The following XIRP2 variants were observed in gnomAD, a reference collection of about 807,000 sequenced individuals.
XIRP2 encodes xin actin-binding repeat-containing protein 2.
XIRP2 carries 236 observed loss-of-function variants against 277.0 expected under a neutral mutation model. The observed-to-expected ratio is 0.85, with a 90% confidence interval of 0.77 to 0.95. XIRP2 has a LOEUF of 0.95. XIRP2 is among the 40% of genes least tolerant of loss of function. The probability of loss-of-function intolerance (pLI) is 0.00; values close to 1 mark genes in which losing one functional copy is unlikely to be tolerated. For missense variants in XIRP2, 4,640 were observed against 4,157.5 expected (o/e 1.12, Z -3.19); for synonymous variants, 1,490 against 1,416.5 (o/e 1.05, Z -1.17).
chr2:167,240,607 T>C, intron 6 of XIRP2, 57 bp from the exon 7 acceptor site: 1 of 1,431,904 alleles, frequency 7.0e-7, no homozygotes, highest in Non-Finnish European at 9.8e-7. Context: ...TTATTTGTAG[T>C]ACTAAAATAA....
intron 5 of XIRP2, among the ~76,000 whole-genome samples, chr2:167,222,320 G>A (rs533926487): frequency 6.6e-6 from 1 of 152,286 alleles, no homozygotes; most frequent in South Asian, 2.1e-4. Context: ...ATGAAAATTA[G>A]GAAAAGGAGC....
intron 2 of XIRP2, among the ~76,000 whole-genome samples, chr2:167,126,632 A>G (rs1392668437): frequency 6.6e-6 from 1 of 152,150 alleles, no homozygotes; most frequent in Admixed American, 6.6e-5. Flanking sequence ...TCTGGCTCCA[A>G]ATTAGATCTT....
Position 167,259,499 on chromosome 2 carries a change from A to C in XIRP2, c.*1682A>C. 6.3e-5 allele frequency: 52 copies of C among 827,610 alleles called. No individual in the cohort carries two copies. The highest frequency in any genetic ancestry group is 8.1e-5 in the Non-Finnish European group (45 of 554,284). 51.3% of individuals were successfully genotyped at this position (827,610 alleles called of 1,614,324 possible). On this transcript the variant is annotated 3_prime_UTR_variant, in exon 11 of 11. Transcript: ENST00000409195. ...TGTTCAGAAATCTCGTGTCTATCTC[A>C]ATGGGATATTTCTTGTATTACACCT...
chr2:167,185,107 G>GA (rs1317387258), intron 3 of XIRP2, among the ~76,000 whole-genome samples: 1 of 152,160 alleles, frequency 6.6e-6, no homozygotes, highest in Non-Finnish European at 1.5e-5. Context: ...TGAATGGTCA[G>GA]AATCTAGGTC....
At position 167,258,836 on chromosome 2, in the gene XIRP2, A is replaced by G. The variant is rs201246823; in HGVS notation, c.*1019A>G. On this transcript the variant is annotated 3_prime_UTR_variant, in exon 11 of 11. Coordinates refer to ENST00000409195, the MANE Select transcript of XIRP2 (RefSeq NM_152381.6). ...ATCTAGAATCTCAGAGTTACTTGGTATATTTGAATCTGAAAAGACTTATTC... is the reference window on the plus strand; with the variant it reads ...ATCTAGAATCTCAGAGTTACTTGGTGTATTTGAATCTGAAAAGACTTATTC... The G allele has an allele frequency of 3.8e-5, 61 of 1,613,056 alleles. No individual in the cohort carries two copies. Among genetic ancestry groups the G allele is most frequent in the South Asian group, 3.1e-4 (28 of 91,036 alleles).
intron 2 of XIRP2, among the ~76,000 whole-genome samples, chr2:166,999,005 T>G (rs74897800): frequency 0.037 from 5,564 of 152,324 alleles, 117 homozygotes; most frequent in East Asian, 0.061. Flanking sequence ...CTACATTTCT[T>G]AAATTCAAAA....
intron 9 of XIRP2, 73 bp downstream of exon 9, chr2:167,252,020 C>T (rs1695526460): frequency 6.7e-7 from 1 of 1,502,986 alleles, no homozygotes; most frequent in Non-Finnish European, 8.8e-7. Flanking sequence ...AAATGATGTA[C>T]AGTTAAAAAG....
chr2:167,195,998 T>G (rs1213262395), intron 3 of XIRP2, among the ~76,000 whole-genome samples: 1 of 152,098 alleles, frequency 6.6e-6, no homozygotes, highest in Non-Finnish European at 1.5e-5. Context: ...CAATTCAACA[T>G]TTTCCCATAA....
chr2:167,100,459 A>G (rs1213806885), intron 2 of XIRP2, among the ~76,000 whole-genome samples: 2 of 152,238 alleles, frequency 1.3e-5, no homozygotes, highest in East Asian at 3.8e-4. Context: ...ATTATCCTAA[A>G]GAGATATTCT....
chr2:166,913,863 G>T (rs1290560839), intron 2 of XIRP2, among the ~76,000 whole-genome samples: 1 of 152,176 alleles, frequency 6.6e-6, no homozygotes, highest in African/African-American at 2.4e-5. Context: ...GATCCAAGTT[G>T]ACAAGTATTT....
chr2:167,048,867 T>C (rs1258662406), intron 2 of XIRP2, among the ~76,000 whole-genome samples: 2 of 151,926 alleles, frequency 1.3e-5, no homozygotes, highest in Non-Finnish European at 2.9e-5. Flanking sequence ...GCTAGTCTCA[T>C]TTCTGTTTAT....
chr2:166,994,698 A>G (rs1476548416), intron 2 of XIRP2, among the ~76,000 whole-genome samples: 1 of 134,044 alleles, frequency 7.5e-6, no homozygotes, highest in African/African-American at 3.0e-5. Context: ...CAAAAAAAAA[A>G]AAAACTTTAA....
Position 167,245,315 on chromosome 2 carries a change from A to T in XIRP2, c.3923A>T (p.Asp1308Val), listed in dbSNP as rs1413415467. ...KTITEEVIQG[D>V]VKSYRMLFET... ...ATTACTGAAGAAGTAATACAGGGTG[A>T]TGTAAAAAGCTACAGAATGCTCTTT... Residue 1308 changes from aspartate to valine, a missense_variant, in exon 9 of 11, where the codon GAT becomes GTT. By Grantham distance (152) the Asp-to-Val change is radical. Transcript: ENST00000409195. The T allele has an allele frequency of 6.2e-7, 1 of 1,613,722 alleles. No homozygotes were observed. The highest frequency in any genetic ancestry group is 1.3e-5 in the African/African-American group (1 of 75,016).
At chr2:166,895,818 C>T (rs1294863391) in intron 1 of XIRP2, among the ~76,000 whole-genome samples, 2 of 152,004 alleles carry the variant, frequency 1.3e-5, no homozygotes, top group African/African-American at 2.4e-5. Context: ...GAGATGCCAG[C>T]TAATTTTTAA....
At chr2:166,970,043 A>G (rs1196378338) in intron 2 of XIRP2, among the ~76,000 whole-genome samples, 1 of 152,082 alleles carries the variant, frequency 6.6e-6, no homozygotes, top group Non-Finnish European at 1.5e-5. Flanking sequence ...ATCTGCCCAC[A>G]TAATGTGAAA....
chr2:166,996,668 T>TATA (rs1687229425), intron 2 of XIRP2, among the ~76,000 whole-genome samples: 1 of 152,142 alleles, frequency 6.6e-6, no homozygotes, highest in Non-Finnish European at 1.5e-5. Flanking sequence ...CTAGTTGGCA[T>TATA]TTTTTCAGTA....
intron 2 of XIRP2, among the ~76,000 whole-genome samples, chr2:167,051,567 G>C (rs1011947404): frequency 2.0e-5 from 3 of 151,952 alleles, no homozygotes; most frequent in African/African-American, 7.2e-5. Context: ...CCTACAACTT[G>C]CTTCTTTCAC....
intron 3 of XIRP2, among the ~76,000 whole-genome samples, chr2:167,171,957 A>G (rs1211477556): frequency 7.9e-5 from 12 of 152,206 alleles, no homozygotes; most frequent in Admixed American, 5.2e-4. Flanking sequence ...ATAGGTGTAT[A>G]TATTTACGGG....
chr2:167,040,607 G>A (rs1389686929), intron 2 of XIRP2, among the ~76,000 whole-genome samples: 1 of 152,162 alleles, frequency 6.6e-6, no homozygotes, highest in Non-Finnish European at 1.5e-5. Context: ...ACACAGCCAT[G>A]GGAACACATC....
Sources: gnomAD v4.1 joint callset for allele counts (sites outside exome capture counted in the v4.1 genomes callset) on GRCh38, gnomAD v4.1.1 for gene constraint, MANE v1.5 for transcripts, NCBI Gene and HGNC (gene_info 2026-07-23, HGNC 2026-07-21) for gene names.